The following ATP8A2 variants were observed in gnomAD, a reference collection of about 807,000 sequenced individuals.
The protein encoded by ATP8A2 is ATPase phospholipid transporting 8A2.
ATP8A2 carries 100 observed loss-of-function variants against 165.6 expected under a neutral mutation model. The ratio of observed to expected loss-of-function variants is 0.60; its 90% confidence interval spans 0.51 to 0.71. ATP8A2 has a LOEUF of 0.71. ATP8A2 is among the 30% of genes least tolerant of loss of function. ATP8A2 has a pLI of 0.00. For synonymous variants in ATP8A2, 543 were observed against 548.8 expected (o/e 0.99, Z 0.15); for missense variants, 1,227 against 1,479.5 (o/e 0.83, Z 2.80).
At chr13:25,825,519 G>T (rs1951292698) in intron 27 of ATP8A2, among the ~76,000 whole-genome samples, 1 of 151,866 alleles carries the variant, frequency 6.6e-6, no homozygotes, top group Non-Finnish European at 1.5e-5. Context: ...CATGTTAACT[G>T]GATTTTGCAA....
At chr13:25,836,166 TTTTGTTTGTTTG>T (rs149756647) in intron 28 of ATP8A2, among the ~76,000 whole-genome samples, 81 of 150,632 alleles carry the variant, frequency 5.4e-4, no homozygotes, top group East Asian at 7.9e-4. Flanking sequence ...ATCTCCTGTT[TTTTGTTTGTTTG>T]TTTGTTTGTT....
intron 1 of ATP8A2, among the ~76,000 whole-genome samples, chr13:25,459,265 G>T (rs1400387504): frequency 1.3e-5 from 2 of 152,190 alleles, no homozygotes; most frequent in Non-Finnish European, 2.9e-5. Context: ...AACAAAACTG[G>T]ACATTTCCAT....
intron 24 of ATP8A2, among the ~76,000 whole-genome samples, chr13:25,661,482 A>T (rs2042049763): frequency 6.6e-6 from 1 of 152,102 alleles, no homozygotes. Flanking sequence ...TTTGAGAGGA[A>T]CCTAAGATTG....
chr13:25,846,713 A>G (rs114881337), intron 30 of ATP8A2, among the ~76,000 whole-genome samples: 210 of 152,320 alleles, frequency 1.4e-3, no homozygotes, highest in African/African-American at 4.9e-3. Flanking sequence ...ATAACCACAC[A>G]GGCCAGGATA....
At chr13:25,634,692 T>C (rs2041327262) in intron 24 of ATP8A2, among the ~76,000 whole-genome samples, 2 of 152,198 alleles carry the variant, frequency 1.3e-5, no homozygotes, top group African/African-American at 4.8e-5. Context: ...AGTTGTGTTT[T>C]GTTTATTTTA....
intron 2 of ATP8A2, among the ~76,000 whole-genome samples, chr13:25,521,231 G>A (rs1453695683): frequency 6.6e-6 from 1 of 152,076 alleles, no homozygotes; most frequent in Non-Finnish European, 1.5e-5. Context: ...TATTTTAGCT[G>A]TTGAGTTGTT....
intron 35 of ATP8A2, among the ~76,000 whole-genome samples, chr13:26,004,611 T>G (rs1956704365): frequency 6.6e-6 from 1 of 152,128 alleles, no homozygotes; most frequent in Non-Finnish European, 1.5e-5. Flanking sequence ...AGCTTTCAAC[T>G]TCTCACCATT....
At chr13:25,529,307 A>G (rs868303088) in intron 2 of ATP8A2, among the ~76,000 whole-genome samples, 3 of 152,136 alleles carry the variant, frequency 2.0e-5, no homozygotes, top group Admixed American at 6.5e-5. Flanking sequence ...ACTATCTGCT[A>G]TGTGCTAGGA....
At chr13:25,849,695 T>C (rs1304511857) in intron 30 of ATP8A2, among the ~76,000 whole-genome samples, 1 of 152,206 alleles carries the variant, frequency 6.6e-6, no homozygotes, top group Non-Finnish European at 1.5e-5. Context: ...CCAGACCTAA[T>C]TTGGCTAATC....
intron 30 of ATP8A2, among the ~76,000 whole-genome samples, chr13:25,842,625 T>G (rs1951769759): frequency 6.7e-6 from 1 of 148,360 alleles, no homozygotes; most frequent in South Asian, 2.1e-4. Context: ...TGAGCCAAGA[T>G]CGTGCCACTG....
intron 24 of ATP8A2, among the ~76,000 whole-genome samples, chr13:25,694,986 T>G (rs1484384016): frequency 6.6e-6 from 1 of 152,202 alleles, no homozygotes; most frequent in Non-Finnish European, 1.5e-5. Flanking sequence ...GCTTCTTTGT[T>G]TTTAATAAAA....
chr13:25,954,984 T>TTATCC (rs1955485527), intron 33 of ATP8A2, among the ~76,000 whole-genome samples: 2 of 152,180 alleles, frequency 1.3e-5, no homozygotes, highest in Middle Eastern at 6.8e-3. Flanking sequence ...GGAACAAAAT[T>TTATCC]GGATAGAGAA....
rs534571995 is a variant in ATP8A2 at position 25,948,036 on chromosome 13, T to TA, written c.3184-13533dup. On this transcript the variant is annotated intron_variant, in intron 33 of 36. Coordinates refer to ENST00000381655, the MANE Select transcript of ATP8A2 (RefSeq NM_016529.6). ...AGGGGCTGATGTTTGTATTGGAATA[T>TA]AAAAAAGAGACTTAGACTTAGCTTT... Among the ~76,000 whole-genome samples, 505 of 152,206 alleles carry TA rather than the reference T, an allele frequency of 3.3e-3. 1 individual carries two copies. Among genetic ancestry groups the TA allele is most frequent in the Non-Finnish European group, 6.0e-3 (408 of 68,006 alleles).
chr13:25,536,026 A>G (rs1045937593), intron 6 of ATP8A2, among the ~76,000 whole-genome samples: 3 of 151,474 alleles, frequency 2.0e-5, no homozygotes, highest in African/African-American at 7.3e-5. Flanking sequence ...AAACATGACA[A>G]ATTTTCTTGT....
chr13:25,812,902 G>C (rs1242986891), intron 27 of ATP8A2, among the ~76,000 whole-genome samples: 1 of 152,082 alleles, frequency 6.6e-6, no homozygotes, highest in Admixed American at 6.6e-5. Flanking sequence ...TGCAGCCATA[G>C]AAAGGAATGA....
chr13:25,830,699 GAACAGTA>G (rs1443065160), intron 28 of ATP8A2, among the ~76,000 whole-genome samples: 20 of 152,188 alleles, frequency 1.3e-4, no homozygotes, highest in African/African-American at 4.6e-4. Context: ...CACCCAGATT[GAACAGTA>G]ATTAGCATTT....
intron 24 of ATP8A2, among the ~76,000 whole-genome samples, chr13:25,596,949 AGTGG>A (rs1166124392): frequency 1.3e-5 from 2 of 152,056 alleles, no homozygotes; most frequent in Non-Finnish European, 2.9e-5. Flanking sequence ...TAGCCATTCT[AGTGG>A]GTGTGTATTA....
At chr13:25,481,168 G>GTGGGGAGAGGGAGACCA (rs1188908819) in intron 2 of ATP8A2, among the ~76,000 whole-genome samples, 2 of 147,656 alleles carry the variant, frequency 1.4e-5, no homozygotes, top group Non-Finnish European at 1.5e-5. Context: ...GAGGGAGACC[G>GTGGGGAGAGGGAGACCA]TGGGGAGAGG....
At chr13:25,841,722 G>C (rs1049912212) in intron 30 of ATP8A2, among the ~76,000 whole-genome samples, 3 of 152,212 alleles carry the variant, frequency 2.0e-5, no homozygotes, top group Non-Finnish European at 4.4e-5. Context: ...AGAGTTTGTA[G>C]TATGGAAAGG....
Sources: gnomAD v4.1 joint callset for allele counts (sites outside exome capture counted in the v4.1 genomes callset) on GRCh38, gnomAD v4.1.1 for gene constraint, MANE v1.5 for transcripts, NCBI Gene and HGNC (gene_info 2026-07-23, HGNC 2026-07-21) for gene names.